The following SCPEP1 variants were observed in gnomAD, a reference collection of about 807,000 sequenced individuals.
SCPEP1 encodes the protein serine carboxypeptidase 1.
SCPEP1 carries 51 observed loss-of-function variants against 63.8 expected under a neutral mutation model. That is an observed-to-expected ratio of 0.80 (90% CI 0.64 to 1.01). SCPEP1 has a LOEUF of 1.01. SCPEP1 is among the 50% of genes least tolerant of loss of function. The pLI is 0.00. For synonymous variants in SCPEP1, 204 were observed against 207.8 expected, an observed-to-expected ratio of 0.98 and a Z score of 0.16; for missense variants, 499 against 554.9, an observed-to-expected ratio of 0.90 and a Z score of 1.01.
At chr17:57,000,023 A>T (rs1679858625) in intron 10 of SCPEP1, among the ~76,000 whole-genome samples, 1 of 148,118 alleles carries the variant, frequency 6.8e-6, no homozygotes. Context: ...GGTGGTGTGC[A>T]TCTGTAGTCT....
chr17:56,979,315 T>C (rs1440162706), intron 1 of SCPEP1, among the ~76,000 whole-genome samples: 1 of 152,176 alleles, frequency 6.6e-6, no homozygotes, highest in Non-Finnish European at 1.5e-5. Flanking sequence ...CGTTGTCTCA[T>C]TGTCTTCCTC....
intron 12 of SCPEP1, among the ~76,000 whole-genome samples, chr17:57,003,874 G>A (rs1197335177): frequency 6.6e-6 from 1 of 152,142 alleles, no homozygotes; most frequent in East Asian, 1.9e-4. Context: ...CTTCCTTTAA[G>A]AAGCCAGAGA....
intron 2 of SCPEP1, among the ~76,000 whole-genome samples, chr17:56,982,017 T>C (rs139523864): frequency 6.6e-6 from 1 of 151,946 alleles, no homozygotes; most frequent in Non-Finnish European, 1.5e-5. Flanking sequence ...TTTCCCTGAG[T>C]GTGTTTGCAT....
chr17:56,999,089 T>C (rs1911661346), intron 10 of SCPEP1, among the ~76,000 whole-genome samples: 1 of 152,188 alleles, frequency 6.6e-6, no homozygotes, highest in Non-Finnish European at 1.5e-5. Flanking sequence ...CATCGGAGCA[T>C]TGTATGCTTC....
Position 56,991,003 on chromosome 17 carries a change from C to A in SCPEP1, c.547-96C>A, listed in dbSNP as rs1380885871. 9 of 911,862 alleles carry A rather than the reference C, an allele frequency of 9.9e-6. No homozygotes were observed. In the Admixed American group the frequency reaches 1.0e-4, roughly 10 times the overall value. 56.5% of individuals were successfully genotyped at this position (911,862 alleles called of 1,614,324 possible). On this transcript the variant is annotated intron_variant, in intron 5 of 12. Coordinates refer to ENST00000262288, the MANE Select transcript of SCPEP1 (RefSeq NM_021626.3). Reference sequence around the variant, plus strand: ...CCTAGGCTGGTCTTGTATTCCTAGGCTCAAGCGATCCTCCTGCCTAAGCTT... The same window carrying A: ...CCTAGGCTGGTCTTGTATTCCTAGGATCAAGCGATCCTCCTGCCTAAGCTT...
chr17:57,000,771 G>T (rs1232841607), intron 10 of SCPEP1, 84 bp from the exon 11 acceptor site: 3 of 1,484,966 alleles, frequency 2.0e-6, no homozygotes, highest in Non-Finnish European at 2.8e-6. Context: ...TTCGGTGCTG[G>T]AGCCCAAGAT....
At chr17:56,988,422 A>G in intron 5 of SCPEP1, 132 bp downstream of exon 5, 1 of 588,650 alleles carries the variant, frequency 1.7e-6, no homozygotes, top group Non-Finnish European at 2.8e-6. Flanking sequence ...ATCTGTAGTA[A>G]TAACCATAAA....
chr17:56,996,411 C>T (rs539978816), intron 8 of SCPEP1, among the ~76,000 whole-genome samples: 18 of 152,050 alleles, frequency 1.2e-4, no homozygotes, highest in Admixed American at 5.2e-4. Flanking sequence ...CACCGTGTTG[C>T]CCAGGCTGGT....
chr17:56,989,618 A>G (rs1597917408), intron 5 of SCPEP1, among the ~76,000 whole-genome samples: 1 of 152,208 alleles, frequency 6.6e-6, no homozygotes, highest in East Asian at 1.9e-4. Flanking sequence ...AAGTAGGTAT[A>G]TCTTTCCAAG....
At chr17:56,981,776 C>G (rs947625887) in intron 2 of SCPEP1, among the ~76,000 whole-genome samples, 1 of 152,080 alleles carries the variant, frequency 6.6e-6, no homozygotes, top group African/African-American at 2.4e-5. Context: ...GAGCTGAGAT[C>G]GTGCCACTGC....
intron 6 of SCPEP1, among the ~76,000 whole-genome samples, chr17:56,994,295 C>T (rs1473935364): frequency 1.3e-5 from 2 of 152,164 alleles, no homozygotes; most frequent in African/African-American, 2.4e-5. Flanking sequence ...TCTTTGTTGG[C>T]GTGTCTTTCA....
rs1165225090 is a variant in SCPEP1, at chr17:57,000,874, T to G, written c.1014T>G (p.Phe338Leu). Residue 338 changes from phenylalanine to leucine, a missense_variant, in exon 11 of 13, where the codon TTT becomes TTG. Physicochemically the swap from Phe to Leu is conservative, Grantham distance 22 (BLOSUM62 0). Transcript: ENST00000262288. ...GTGCAGGCCAGGCTACCAACGTCTT[T>G]GTGAACATGGAGGAGGACTTCATGA... The part of the protein sequence containing the change: ...QSWGGQATNV[F>L]VNMEEDFMKP... 1 of 1,614,170 alleles carries G rather than the reference T, an allele frequency of 6.2e-7. No homozygotes were observed. Among genetic ancestry groups the G allele is most frequent in the Non-Finnish European group, 8.5e-7 (1 of 1,180,040 alleles).
rs771356576 is a variant in SCPEP1, at chr17:56,987,847, C to T, written c.468C>T (p.Phe156=). The T allele has an allele frequency of 6.2e-7, 1 of 1,613,904 alleles. No homozygotes were observed. The highest frequency in any genetic ancestry group is 1.1e-5 in the South Asian group (1 of 91,054). ...LKTFFSCHKE[F]QTVPFYIFSE... The stretch of plus-strand genomic sequence containing the variant: ...CCTTCTTCAGTTGCCACAAAGAATT[C>T]CAGGTAAGCAAAGACTCAGGAACAG... Residue 156 remains phenylalanine, a synonymous_variant, in exon 4 of 13, where the codon TTC becomes TTT. Transcript: ENST00000262288.
intron 3 of SCPEP1, 157 bp from the exon 4 acceptor site, chr17:56,987,538 C>T: frequency 6.6e-6 from 4 of 603,046 alleles, no homozygotes; most frequent in Admixed American, 3.4e-5. Context: ...ATGTTCCTGT[C>T]CCTTATTTTT....
chr17:56,999,530 G>GGAGCCTACGATTTGCTGCTGC, intron 10 of SCPEP1, among the ~76,000 whole-genome samples: 1 of 152,248 alleles, frequency 6.6e-6, no homozygotes, highest in East Asian at 1.9e-4. Flanking sequence ...GCTGCTGCTG[G>GGAGCCTACGATTTGCTGCTGC]GAGCCTACGA....
chr17:56,989,258 A>G (rs1911314270), intron 5 of SCPEP1, among the ~76,000 whole-genome samples: 1 of 152,220 alleles, frequency 6.6e-6, no homozygotes, highest in African/African-American at 2.4e-5. Context: ...CAATTTGTAG[A>G]AGAAATATAA....
At chr17:57,002,720 A>C (rs1264016075) in intron 12 of SCPEP1, among the ~76,000 whole-genome samples, 3 of 151,698 alleles carry the variant, frequency 2.0e-5, no homozygotes, top group African/African-American at 7.3e-5. Context: ...AAAGAACAAA[A>C]ATCAACCGGG....
chr17:57,002,238 C>T (rs781336767), intron 12 of SCPEP1, 57 bp downstream of exon 12: 230 of 1,558,768 alleles, frequency 1.5e-4, no homozygotes, highest in Non-Finnish European at 1.9e-4. Flanking sequence ...AAGCCACAGG[C>T]GGTTATTATG....
chr17:56,997,135 ACTTT>A, intron 9 of SCPEP1, 80 bp downstream of exon 9: 20 of 858,340 alleles, frequency 2.3e-5, no homozygotes, highest in Non-Finnish European at 3.2e-5. Context: ...AAAAAAAAAA[ACTTT>A]ATTAACATAT....
Sources: gnomAD v4.1 joint callset for allele counts (sites outside exome capture counted in the v4.1 genomes callset) on GRCh38, gnomAD v4.1.1 for gene constraint, MANE v1.5 for transcripts, NCBI Gene and HGNC (gene_info 2026-07-23, HGNC 2026-07-21) for gene names.